Variants in ALK observed in about 807,000 individuals in gnomAD.
ALK encodes the protein ALK receptor tyrosine kinase, also known as ALK tyrosine kinase receptor.
A neutral mutation model predicts 163.1 loss-of-function variants in ALK; 74 were observed. The observed-to-expected ratio is 0.45, with a 90% CI of 0.38 to 0.55. The LOEUF (loss-of-function observed/expected upper bound fraction) is 0.55. Among genes scored for constraint, ALK ranks in the 20% least tolerant of loss-of-function variants. ALK has a pLI of 0.00. For synonymous variants in ALK, 960 were observed against 843.2 expected (o/e 1.14, Z -2.40); for missense variants, 2,063 against 2,105.3 (o/e 0.98, Z 0.39).
At chr2:29,793,745 T>C (rs565431178) in intron 1 of ALK, among the ~76,000 whole-genome samples, 1 of 152,336 alleles carries the variant, frequency 6.6e-6, no homozygotes, top group South Asian at 2.1e-4. Flanking sequence ...GCAGTAGGTA[T>C]TAAAAATGAG....
At chr2:29,720,350 G>A (rs1679386005) in intron 1 of ALK, among the ~76,000 whole-genome samples, 1 of 152,068 alleles carries the variant, frequency 6.6e-6, no homozygotes, top group Non-Finnish European at 1.5e-5. Flanking sequence ...CCAATAACTT[G>A]CCAGGCATCC....
At chr2:29,376,586 G>A (rs1269836095) in intron 5 of ALK, among the ~76,000 whole-genome samples, 1 of 152,240 alleles carries the variant, frequency 6.6e-6, no homozygotes, top group African/African-American at 2.4e-5. Context: ...ATGGATGGAT[G>A]GATAGCTGAG....
rs563126725 is a variant in ALK, at chr2:29,193,493, T to C, written c.4594A>G (p.Asn1532Asp). 5.0e-6 allele frequency: 8 copies of C among 1,614,156 alleles called. No homozygotes were observed. The East Asian group carries it at 1.1e-4, about 22-fold the overall frequency. ...IAKKEPHDRG[N>D]LGLEGSCTVP... ...GTACAGCTTCCCTCCAGCCCCAGGT[T>C]ACCCCTGTCGTGTGGCTCCTTCTTT... is the stretch of plus-strand genomic sequence containing the variant. The change falls in exon 29 of 29, where the codon AAC becomes GAC. Residue 1532 changes from asparagine to aspartate, a missense_variant. Physicochemically the swap from Asn to Asp is conservative, Grantham distance 23. Transcript: ENST00000389048.
intron 3 of ALK, among the ~76,000 whole-genome samples, chr2:29,544,610 T>G (rs1673504338): frequency 6.6e-6 from 1 of 152,148 alleles, no homozygotes; most frequent in African/African-American, 2.4e-5. Context: ...TATCCATATC[T>G]ATCTATATAA....
chr2:29,418,492 C>A (rs918167324), intron 4 of ALK, among the ~76,000 whole-genome samples: 1 of 152,152 alleles, frequency 6.6e-6, no homozygotes, highest in African/African-American at 2.4e-5. Context: ...TTCTTACATG[C>A]ATATATTAAG....
At chr2:29,254,302 T>G (rs1244483080) in intron 11 of ALK, among the ~76,000 whole-genome samples, 2 of 113,104 alleles carry the variant, frequency 1.8e-5, no homozygotes, top group African/African-American at 5.2e-5. Flanking sequence ...TCTCTCTCTC[T>G]CTCTATATAT....
chr2:29,494,300 T>C (rs1362315116), intron 4 of ALK, among the ~76,000 whole-genome samples: 2 of 152,192 alleles, frequency 1.3e-5, no homozygotes, highest in African/African-American at 4.8e-5. Context: ...ACTGGTCTGC[T>C]CTGGGTCTCT....
intron 3 of ALK, among the ~76,000 whole-genome samples, chr2:29,625,874 T>G (rs539917225): frequency 2.6e-5 from 4 of 152,236 alleles, no homozygotes; most frequent in African/African-American, 9.6e-5. Flanking sequence ...ACCAAGAGGG[T>G]GGTGGGTGCC....
chr2:29,437,912 GC>G (rs1449985397), intron 4 of ALK, among the ~76,000 whole-genome samples: 4 of 152,198 alleles, frequency 2.6e-5, no homozygotes, highest in Admixed American at 6.5e-5. Context: ...ATTTTGAAAA[GC>G]TTTTATACCC....
intron 2 of ALK, among the ~76,000 whole-genome samples, chr2:29,706,285 C>A (rs1376844316): frequency 6.6e-6 from 1 of 152,254 alleles, no homozygotes; most frequent in Non-Finnish European, 1.5e-5. Flanking sequence ...CCAGCCCAGG[C>A]TCCGATGATT....
At chr2:29,916,831 C>A (rs904460027) in intron 1 of ALK, among the ~76,000 whole-genome samples, 7 of 152,192 alleles carry the variant, frequency 4.6e-5, no homozygotes, top group Admixed American at 2.0e-4. Flanking sequence ...GGGCAACATG[C>A]CAGCCTTGCA....
intron 4 of ALK, among the ~76,000 whole-genome samples, chr2:29,445,575 G>A (rs1316362357): frequency 1.3e-5 from 2 of 152,200 alleles, no homozygotes; most frequent in Non-Finnish European, 2.9e-5. Context: ...CACTTCGGGA[G>A]GCCGAGGGGG....
chr2:29,563,357 G>A (rs945020878), intron 3 of ALK, among the ~76,000 whole-genome samples: 1 of 152,190 alleles, frequency 6.6e-6, no homozygotes. Context: ...TAGGAATTGG[G>A]AGAGGAGCAG....
At chr2:29,738,553 GC>G (rs1679958251) in intron 1 of ALK, among the ~76,000 whole-genome samples, 1 of 152,042 alleles carries the variant, frequency 6.6e-6, no homozygotes, top group Non-Finnish European at 1.5e-5. Flanking sequence ...AGAGAAGGTT[GC>G]CCAGGTTTTT....
In ALK at chr2:29,750,673, AAGGAAGGAAGGAAGGAAGGAAGGAAGGC is replaced by A. The variant is rs1573605548; in HGVS notation, c.668-33004_668-32977del. Among the ~76,000 whole-genome samples the A allele has an allele frequency of 2.3e-5, 3 of 133,256 alleles. 1 individual carries two copies. The East Asian group carries it at 6.6e-4, about 29-fold the overall frequency. The allele number at this position is 133,256 out of a possible 152,430, so 87.4% of individuals were successfully genotyped here. ...GAAGGAAGGAAGGAAGGAAGGAAGG[AAGGAAGGAAGGAAGGAAGGAAGGAAGGC>A]AGGCAGGCAGGAAGGAAGGAAGGAA... On this transcript the variant is annotated intron_variant, in intron 1 of 28. Transcript: ENST00000389048.
chr2:29,546,995 G>C (rs1300939802), intron 3 of ALK, among the ~76,000 whole-genome samples: 4 of 152,172 alleles, frequency 2.6e-5, no homozygotes, highest in Non-Finnish European at 4.4e-5. Context: ...TTTGTCACCT[G>C]CTGCCACTCT....
At chr2:29,677,150 T>C (rs1381030115) in intron 3 of ALK, among the ~76,000 whole-genome samples, 1 of 151,816 alleles carries the variant, frequency 6.6e-6, no homozygotes. Context: ...CCCTATTTTA[T>C]CCTTTCCAAT....
intron 1 of ALK, among the ~76,000 whole-genome samples, chr2:29,770,601 TGA>T (rs1253620156): frequency 6.6e-6 from 1 of 152,172 alleles, no homozygotes; most frequent in African/African-American, 2.4e-5. Context: ...TTTAATATGC[TGA>T]GAGATTTAAA....
intron 1 of ALK, among the ~76,000 whole-genome samples, chr2:29,820,230 G>A (rs762378332): frequency 2.0e-4 from 30 of 152,184 alleles, no homozygotes; most frequent in Non-Finnish European, 2.4e-4. Context: ...GAAACCAGCT[G>A]CCACGCCATG....
Sources: gnomAD v4.1 joint callset for allele counts (sites outside exome capture counted in the v4.1 genomes callset) on GRCh38, gnomAD v4.1.1 for gene constraint, MANE v1.5 for transcripts, NCBI Gene and HGNC (gene_info 2026-07-23, HGNC 2026-07-21) for gene names.